The following ATP2B2 variants were observed in gnomAD, a reference collection of about 807,000 sequenced individuals.
The protein encoded by ATP2B2 is plasma membrane calcium-transporting ATPase 2.
A neutral mutation model predicts 120.0 loss-of-function variants in ATP2B2; 15 were observed. The ratio of observed to expected loss-of-function variants is 0.12; its 90% confidence interval spans 0.08 to 0.19. The LOEUF (loss-of-function observed/expected upper bound fraction) is 0.19, where lower values mean the gene tolerates loss of function less well. Ranked by LOEUF, ATP2B2 falls within the 10% of genes least tolerant of loss-of-function variation. ATP2B2 has a pLI of 1.00. For synonymous variants in ATP2B2, 694 were observed against 700.3 expected (o/e 0.99, Z 0.14); for missense variants, 1,045 against 1,719.8 (o/e 0.61, Z 6.94).
At chr3:10,416,308 A>G (rs1246143496) in intron 2 of ATP2B2, among the ~76,000 whole-genome samples, 1 of 151,482 alleles carries the variant, frequency 6.6e-6, no homozygotes, top group Non-Finnish European at 1.5e-5. Flanking sequence ...TGTCCTGGAT[A>G]CAAACTGGGC....
intron 14 of ATP2B2, among the ~76,000 whole-genome samples, chr3:10,352,605 T>G (rs1183776749): frequency 1.3e-5 from 2 of 152,170 alleles, no homozygotes; most frequent in African/African-American, 2.4e-5. Flanking sequence ...GGAGAAGCCT[T>G]CCAGTGCCCA....
intron 14 of ATP2B2, among the ~76,000 whole-genome samples, chr3:10,358,099 C>T (rs1483502620): frequency 1.3e-5 from 2 of 152,196 alleles, no homozygotes; most frequent in Non-Finnish European, 2.9e-5. Flanking sequence ...GAGAATGTGA[C>T]CTTAACTTTC....
intron 2 of ATP2B2, among the ~76,000 whole-genome samples, chr3:10,424,459 C>T (rs2063086130): frequency 6.6e-6 from 1 of 152,200 alleles, no homozygotes; most frequent in African/African-American, 2.4e-5. Flanking sequence ...GAGCTAGTTC[C>T]TAGGGATGCC....
intron 6 of ATP2B2, among the ~76,000 whole-genome samples, chr3:10,386,960 A>G (rs1183000957): frequency 6.6e-6 from 1 of 152,180 alleles, no homozygotes; most frequent in Non-Finnish European, 1.5e-5. Flanking sequence ...TTTAAAAACC[A>G]CAGATCTGGC....
At chr3:10,443,050 G>T (rs1019288054) in intron 2 of ATP2B2, among the ~76,000 whole-genome samples, 13 of 152,208 alleles carry the variant, frequency 8.5e-5, no homozygotes, top group Admixed American at 7.9e-4. Flanking sequence ...GACCCAGTCA[G>T]CCTGGACGGT....
intron 2 of ATP2B2, among the ~76,000 whole-genome samples, chr3:10,547,673 A>T (rs1472260536): frequency 6.6e-6 from 1 of 152,222 alleles, no homozygotes; most frequent in Non-Finnish European, 1.5e-5. Flanking sequence ...CAGGGAAGAC[A>T]GATCCTTGTT....
In ATP2B2 at chr3:10,379,386, G is replaced by T. The variant is rs2061468596; in HGVS notation, c.1001-102C>A. The T allele has an allele frequency of 8.3e-6, 11 of 1,329,904 alleles. No individual in the cohort carries two copies. In the South Asian group the frequency reaches 1.3e-4, roughly 16 times the overall value. The allele number at this position is 1,329,904 out of a possible 1,614,324, so 82.4% of individuals were successfully genotyped here. ...ACAGACATTAATGTCACAGATGAAGGGCGGGCCGTGCTGACTGCATCCCTC... is the reference window on the plus strand; with the variant it reads ...ACAGACATTAATGTCACAGATGAAGTGCGGGCCGTGCTGACTGCATCCCTC... On this transcript the variant is annotated intron_variant, in intron 8 of 22. Transcript: ENST00000360273.
At chr3:10,476,340 C>A (rs915622378) in intron 1 of ATP2B2, among the ~76,000 whole-genome samples, 1 of 152,162 alleles carries the variant, frequency 6.6e-6, no homozygotes, top group South Asian at 2.1e-4. Context: ...TCAAAGGAAT[C>A]CCTGAAGCCC....
At chr3:10,501,587 T>C (rs1461219654) in intron 1 of ATP2B2, among the ~76,000 whole-genome samples, 1 of 151,836 alleles carries the variant, frequency 6.6e-6, no homozygotes, top group Non-Finnish European at 1.5e-5. Flanking sequence ...CCTTGGAGCA[T>C]GGCTCCCAGC....
intron 2 of ATP2B2, among the ~76,000 whole-genome samples, chr3:10,442,278 A>T (rs972244482): frequency 6.6e-6 from 1 of 152,050 alleles, no homozygotes; most frequent in Non-Finnish European, 1.5e-5. Context: ...TGATTACGGG[A>T]AGCACCTAGT....
chr3:10,596,998 CGCACACAG>C (rs1183919692), intron 2 of ATP2B2, among the ~76,000 whole-genome samples: 2 of 150,396 alleles, frequency 1.3e-5, no homozygotes, highest in African/African-American at 5.0e-5. Context: ...CAGGTGCACA[CGCACACAG>C]GCACACACGC....
At chr3:10,350,005 GA>G (rs2060532242) in intron 16 of ATP2B2, 106 bp downstream of exon 16, 1 of 1,161,954 alleles carries the variant, frequency 8.6e-7, no homozygotes, top group Non-Finnish European at 1.3e-6. Context: ...AGTCAGGGGC[GA>G]GGGGCCCTTC....
intron 21 of ATP2B2, among the ~76,000 whole-genome samples, chr3:10,339,401 T>A (rs1157783201): frequency 6.6e-6 from 1 of 152,168 alleles, no homozygotes; most frequent in Admixed American, 6.5e-5. Context: ...CTCCCACCCA[T>A]GGGGTCCCAC....
At chr3:10,610,928 C>A (rs1343609806) in intron 2 of ATP2B2, among the ~76,000 whole-genome samples, 1 of 152,194 alleles carries the variant, frequency 6.6e-6, no homozygotes, top group Non-Finnish European at 1.5e-5. Flanking sequence ...CACTTGGTGA[C>A]CACACGAGGT....
chr3:10,568,922 G>A (rs956333938), intron 2 of ATP2B2, among the ~76,000 whole-genome samples: 4 of 152,174 alleles, frequency 2.6e-5, no homozygotes, highest in Non-Finnish European at 4.4e-5. Flanking sequence ...CAGTGTCAGG[G>A]ACAAAAAGAA....
chr3:10,487,107 T>C (rs375708116), intron 1 of ATP2B2, among the ~76,000 whole-genome samples: 115 of 152,280 alleles, frequency 7.6e-4, no homozygotes, highest in Middle Eastern at 3.4e-3. Flanking sequence ...GCCTCAAATG[T>C]ACCCAGCATG....
At chr3:10,388,680 C>G (rs1353644547) in intron 5 of ATP2B2, among the ~76,000 whole-genome samples, 1 of 152,174 alleles carries the variant, frequency 6.6e-6, no homozygotes, top group Non-Finnish European at 1.5e-5. Context: ...AGGGTCACTT[C>G]CTCCTTCTGT....
At chr3:10,591,304 T>G (rs1312322367) in intron 2 of ATP2B2, among the ~76,000 whole-genome samples, 2 of 152,170 alleles carry the variant, frequency 1.3e-5, no homozygotes, top group African/African-American at 4.8e-5. Flanking sequence ...CCTCCTCAAG[T>G]GGACTTGCCC....
chr3:10,700,462 A>C (rs949467961), intron 1 of ATP2B2, among the ~76,000 whole-genome samples: 1 of 152,178 alleles, frequency 6.6e-6, no homozygotes, highest in Non-Finnish European at 1.5e-5. Flanking sequence ...TGGACTTGTC[A>C]GGCATAGCAT....
Sources: allele counts gnomAD v4.1 joint callset (sites outside exome capture counted in the v4.1 genomes callset), GRCh38; gene constraint gnomAD v4.1.1; transcripts MANE v1.5; gene names NCBI Gene and HGNC (gene_info 2026-07-23, HGNC 2026-07-21).